RABGAP1L: variants seen among roughly 807,000 people sequenced by gnomAD.
RABGAP1L encodes RAB GTPase activating protein 1 like, also known as rab GTPase-activating protein 1-like.
RABGAP1L carries 63 observed loss-of-function variants against 137.7 expected under a neutral mutation model. The observed-to-expected ratio is 0.46, with a 90% confidence interval of 0.37 to 0.56. RABGAP1L has a LOEUF of 0.56. RABGAP1L is among the 20% of genes least tolerant of loss of function. The pLI is 0.00. For missense variants in RABGAP1L, 1,095 were observed against 1,244.0 expected, an observed-to-expected ratio of 0.88 and a Z score of 1.80; for synonymous variants, 431 against 433.7, an observed-to-expected ratio of 0.99 and a Z score of 0.08.
chr1:174,690,202 C>T (rs1464671744), intron 15 of RABGAP1L, among the ~76,000 whole-genome samples: 1 of 152,160 alleles, frequency 6.6e-6, no homozygotes, highest in Non-Finnish European at 1.5e-5. Flanking sequence ...TGGTTTAATA[C>T]CTTTCAAGTT....
intron 18 of RABGAP1L, chr1:174,799,950 AC>A: frequency 1.8e-5 from 3 of 169,116 alleles, no homozygotes; most frequent in Non-Finnish European, 2.4e-5. Context: ...ACACACACAC[AC>A]ACACACACAC....
chr1:174,989,796 T>G, intron 25 of RABGAP1L, 53 bp from the exon 26 acceptor site: 1 of 1,520,374 alleles, frequency 6.6e-7, no homozygotes, highest in Non-Finnish European at 8.9e-7. Flanking sequence ...TATTTATTTA[T>G]TGGCAAAGAG....
At chr1:174,449,030 A>C (rs1558244047) in intron 13 of RABGAP1L, 2 of 1,613,976 alleles carry the variant, frequency 1.2e-6, no homozygotes, top group Admixed American at 1.7e-5. Context: ...CTGGCTTGCA[A>C]TAAGTAATAG....
intron 11 of RABGAP1L, among the ~76,000 whole-genome samples, chr1:174,310,060 G>C (rs1678676492): frequency 6.6e-6 from 1 of 152,038 alleles, no homozygotes; most frequent in African/African-American, 2.4e-5. Flanking sequence ...GGTTTGTTCA[G>C]ATTTTCTATT....
chr1:174,286,430 A>C (rs1340419962), intron 10 of RABGAP1L, among the ~76,000 whole-genome samples: 2 of 151,580 alleles, frequency 1.3e-5, no homozygotes, highest in Non-Finnish European at 2.9e-5. Flanking sequence ...TTCATTTGTA[A>C]TTTTATTTAT....
intron 10 of RABGAP1L, among the ~76,000 whole-genome samples, chr1:174,283,696 G>T (rs765266127): frequency 6.6e-6 from 1 of 152,056 alleles, no homozygotes; most frequent in East Asian, 1.9e-4. Context: ...TAGTAGAGAC[G>T]AGGTTTTGGC....
intron 18 of RABGAP1L, among the ~76,000 whole-genome samples, chr1:174,792,282 A>T (rs1362447024): frequency 6.6e-6 from 1 of 152,238 alleles, no homozygotes; most frequent in Non-Finnish European, 1.5e-5. Flanking sequence ...CAGTTTGGGC[A>T]GCCCTATGAG....
At position 174,426,601 on chromosome 1, in the gene RABGAP1L, G is replaced by A. The variant is rs554459491; in HGVS notation, c.1710+32456G>A. 9.9e-5 allele frequency among the ~76,000 whole-genome samples: 15 copies of A among 152,056 alleles called. No individual in the cohort carries two copies. The East Asian group carries it at 2.3e-3, about 24-fold the overall frequency. On this transcript the variant is annotated intron_variant, in intron 13 of 25. Coordinates refer to ENST00000681986, the MANE Select transcript of RABGAP1L (RefSeq NM_001366446.1). ...TGAAAGAAGAAAAGAACTAGAAGTCGATTTATCTTATAAGCAACATCAGAA... is the reference window on the plus strand; with the variant it reads ...TGAAAGAAGAAAAGAACTAGAAGTCAATTTATCTTATAAGCAACATCAGAA...
At chr1:174,827,343 A>G (rs537848003) in intron 19 of RABGAP1L, among the ~76,000 whole-genome samples, 3 of 152,244 alleles carry the variant, frequency 2.0e-5, no homozygotes, top group African/African-American at 4.8e-5. Flanking sequence ...CACCAGTCAT[A>G]TTGGATTAGA....
intron 13 of RABGAP1L, among the ~76,000 whole-genome samples, chr1:174,514,143 A>G (rs753901757): frequency 6.6e-6 from 1 of 151,754 alleles, no homozygotes; most frequent in Non-Finnish European, 1.5e-5. Context: ...TTACTATTAG[A>G]TAAGAAGTTG....
rs541614266 is a variant in RABGAP1L at position 174,459,961 on chromosome 1, G to A, written c.1710+65816G>A. Among the ~76,000 whole-genome samples the A allele has an allele frequency of 1.4e-4, 21 of 152,228 alleles. No individual in the cohort carries two copies. In the South Asian group the frequency reaches 4.3e-3, roughly 32 times the overall value. Reference sequence around the variant, plus strand: ...GGTTTCCATTAGTTTGATTTTGAGAGAAAGATTTCAGAGAATCATTAGGTC... The same window carrying A: ...GGTTTCCATTAGTTTGATTTTGAGAAAAAGATTTCAGAGAATCATTAGGTC... On this transcript the variant is annotated intron_variant, in intron 13 of 25. Coordinates refer to ENST00000681986, the MANE Select transcript of RABGAP1L (RefSeq NM_001366446.1).
intron 18 of RABGAP1L, among the ~76,000 whole-genome samples, chr1:174,794,530 G>A (rs1175206589): frequency 6.6e-6 from 1 of 152,180 alleles, no homozygotes; most frequent in African/African-American, 2.4e-5. Flanking sequence ...GCTAGGTGAT[G>A]TTGCCATACA....
intron 13 of RABGAP1L, among the ~76,000 whole-genome samples, chr1:174,563,818 G>T (rs1046512201): frequency 9.2e-5 from 14 of 152,024 alleles, no homozygotes; most frequent in South Asian, 2.1e-4. Context: ...ATGAATGAAT[G>T]GGGGGAAAGC....
At chr1:174,894,627 A>G (rs1055816463) in intron 19 of RABGAP1L, among the ~76,000 whole-genome samples, 2 of 152,194 alleles carry the variant, frequency 1.3e-5, no homozygotes, top group Admixed American at 6.5e-5. Flanking sequence ...TTATGTTACA[A>G]TGTGTGCTCA....
At chr1:174,773,581 T>G (rs1374696778) in intron 18 of RABGAP1L, among the ~76,000 whole-genome samples, 1 of 152,196 alleles carries the variant, frequency 6.6e-6, no homozygotes, top group Non-Finnish European at 1.5e-5. Context: ...GTTGTCCCAA[T>G]TTAAAAATGT....
At chr1:174,510,436 C>G (rs988494146) in intron 13 of RABGAP1L, among the ~76,000 whole-genome samples, 3 of 152,168 alleles carry the variant, frequency 2.0e-5, no homozygotes, top group African/African-American at 7.2e-5. Flanking sequence ...AGATACATTT[C>G]ATGAGACTCA....
chr1:174,506,982 G>A (rs534813451), intron 13 of RABGAP1L, among the ~76,000 whole-genome samples: 3 of 152,224 alleles, frequency 2.0e-5, no homozygotes, highest in South Asian at 2.1e-4. Context: ...GTGGAGGCGC[G>A]TGCCTGTGGT....
At chr1:174,699,272 T>A (rs183943553) in intron 15 of RABGAP1L, among the ~76,000 whole-genome samples, 3 of 152,266 alleles carry the variant, frequency 2.0e-5, no homozygotes, top group African/African-American at 7.2e-5. Flanking sequence ...TTTGGTTTTT[T>A]AATCATGAGT....
chr1:174,423,396 C>T (rs1204454435), intron 13 of RABGAP1L, among the ~76,000 whole-genome samples: 7 of 152,134 alleles, frequency 4.6e-5, no homozygotes, highest in Admixed American at 3.9e-4. Flanking sequence ...TAAAAAATAT[C>T]TTTTGGCAGC....
Sources: allele counts gnomAD v4.1 joint callset (sites outside exome capture counted in the v4.1 genomes callset), GRCh38; gene constraint gnomAD v4.1.1; transcripts MANE v1.5; gene names NCBI Gene and HGNC (gene_info 2026-07-23, HGNC 2026-07-21).